Variants in VIT observed in about 807,000 individuals in gnomAD.
VIT encodes the protein vitrin.
Under a neutral mutation model 78.0 loss-of-function variants are expected in VIT, and 99 were observed. That is an observed-to-expected ratio of 1.27 (90% CI 1.08 to 1.50). The LOEUF (loss-of-function observed/expected upper bound fraction) is 1.50, where lower values mean the gene tolerates loss of function less well. Ranked by LOEUF, VIT falls within the 40% of genes most tolerant of loss-of-function variation. VIT has a pLI of 0.00. For synonymous variants in VIT, 374 were observed against 334.3 expected, an observed-to-expected ratio of 1.12 and a Z score of -1.29; for missense variants, 1,126 against 875.3, an observed-to-expected ratio of 1.29 and a Z score of -3.61.
intron 12 of VIT, among the ~76,000 whole-genome samples, chr2:36,798,058 A>G (rs1446554921): frequency 6.6e-6 from 1 of 152,206 alleles, no homozygotes; most frequent in African/African-American, 2.4e-5. Context: ...TTTTGACTAG[A>G]ACATGGAATA....
chr2:36,699,533 C>A (rs73924155), intron 1 of VIT, among the ~76,000 whole-genome samples: 1,863 of 125,288 alleles, frequency 0.015, 43 homozygotes, highest in African/African-American at 0.047. Flanking sequence ...TATATATACA[C>A]ACACATATAT....
intron 3 of VIT, among the ~76,000 whole-genome samples, chr2:36,736,080 C>G (rs1040407041): frequency 3.0e-4 from 46 of 152,126 alleles, no homozygotes; most frequent in African/African-American, 1.1e-3. Flanking sequence ...TTTCAAGGCT[C>G]TCATTTTCCT....
At chr2:36,793,976 G>A (rs1365505772) in intron 12 of VIT, among the ~76,000 whole-genome samples, 3 of 152,168 alleles carry the variant, frequency 2.0e-5, no homozygotes, top group Non-Finnish European at 4.4e-5. Flanking sequence ...TCAAGGAGAG[G>A]AATGGTAACC....
intron 12 of VIT, among the ~76,000 whole-genome samples, chr2:36,794,748 A>G (rs1281522429): frequency 1.3e-5 from 2 of 152,190 alleles, no homozygotes; most frequent in African/African-American, 4.8e-5. Context: ...AGGGTTTCAG[A>G]GGTCCTCTGA....
intron 3 of VIT, among the ~76,000 whole-genome samples, chr2:36,738,569 A>G (rs1399170137): frequency 6.6e-6 from 1 of 152,210 alleles, no homozygotes; most frequent in East Asian, 1.9e-4. Context: ...TTCAGCAGAC[A>G]TTCTCTTGAA....
At chr2:36,810,966 A>G (rs1308931218) in intron 15 of VIT, among the ~76,000 whole-genome samples, 1 of 152,194 alleles carries the variant, frequency 6.6e-6, no homozygotes, top group East Asian at 1.9e-4. Context: ...GTTATTTGGC[A>G]GGATTTTCTG....
chr2:36,714,748 T>G (rs1050898693), intron 1 of VIT, among the ~76,000 whole-genome samples: 6 of 152,230 alleles, frequency 3.9e-5, no homozygotes, highest in African/African-American at 1.4e-4. Flanking sequence ...ATTCACCACC[T>G]TGGACCACGG....
chr2:36,743,003 T>G, intron 3 of VIT, 97 bp from the exon 4 acceptor site: 1 of 1,513,786 alleles, frequency 6.6e-7, no homozygotes, highest in Non-Finnish European at 9.0e-7. Flanking sequence ...AGGCTCTGGC[T>G]TTTAGAGATT....
intron 3 of VIT, among the ~76,000 whole-genome samples, chr2:36,741,973 C>T (rs534183848): frequency 2.6e-5 from 4 of 152,332 alleles, no homozygotes; most frequent in Admixed American, 2.0e-4. Flanking sequence ...GCCTCCAATT[C>T]TTGCTTCCTC....
At chr2:36,781,805 G>C in intron 10 of VIT, 34 bp downstream of exon 10, 2 of 1,612,426 alleles carry the variant, frequency 1.2e-6, no homozygotes, top group Non-Finnish European at 8.5e-7. Flanking sequence ...AGCCACGCGT[G>C]GATCAAGATG....
intron 12 of VIT, among the ~76,000 whole-genome samples, chr2:36,793,319 T>A (rs982337768): frequency 6.6e-6 from 1 of 152,206 alleles, no homozygotes; most frequent in African/African-American, 2.4e-5. Context: ...CCCCACTCAC[T>A]TAAAAATGAA....
intron 6 of VIT, among the ~76,000 whole-genome samples, chr2:36,763,399 A>T (rs1195452864): frequency 1.3e-5 from 2 of 152,210 alleles, no homozygotes; most frequent in African/African-American, 4.8e-5. Flanking sequence ...AAAATCTTTG[A>T]AAAAAGATCA....
chr2:36,739,565 A>G (rs1667707651), intron 3 of VIT, among the ~76,000 whole-genome samples: 1 of 152,136 alleles, frequency 6.6e-6, no homozygotes, highest in South Asian at 2.1e-4. Context: ...CAGTGACCTA[A>G]AGGTAATCCT....
chr2:36,721,605 TTTC>T (rs1402516751), intron 2 of VIT, among the ~76,000 whole-genome samples: 3 of 152,170 alleles, frequency 2.0e-5, no homozygotes, highest in Non-Finnish European at 2.9e-5. Flanking sequence ...GCAGCGCAAG[TTTC>T]TTCAAGTGTC....
rs138478832 is a variant in VIT at position 36,755,048 on chromosome 2, G to A, written c.403G>A (p.Val135Ile). Residue 135 changes from valine to isoleucine, a missense_variant, in exon 5 of 16, where the codon GTC becomes ATC. Transcript: ENST00000379242. ...ACCACGATGGAGAGAATCCTTTATC[G>A]TCTTAGGTATGACCACACACTGGAG... is the stretch of plus-strand genomic sequence containing the variant. ...SLPRWRESFIVLESKPKKGVT... is the reference protein window; with the variant it reads ...SLPRWRESFIILESKPKKGVT... The A allele has an allele frequency of 3.0e-4, 484 of 1,613,776 alleles. No homozygotes were observed. The highest frequency in any genetic ancestry group is 3.3e-4 in the Non-Finnish European group (394 of 1,179,922).
Position 36,808,704 on chromosome 2 carries a change from A to G in VIT, c.1622A>G (p.Glu541Gly), listed in dbSNP as rs753578164. Residue 541 changes from glutamate (E) to glycine (G), a missense_variant, in exon 15 of 16, where the codon GAG (glutamate) becomes GGG (glycine). Transcript: ENST00000379242. ...GTGACCAACCTCACCAAAGAGTTTG[A>G]GATTTCCGACACGGACACGCGCATC... The part of the protein sequence containing the change: ...QFVTNLTKEF[E>G]ISDTDTRIGA... 22 of 1,614,198 alleles carry G rather than the reference A, an allele frequency of 1.4e-5. No homozygotes were observed. The highest frequency in any genetic ancestry group is 1.9e-5 in the Non-Finnish European group (22 of 1,180,034).
chr2:36,698,150 T>A (rs58282597), intron 1 of VIT, among the ~76,000 whole-genome samples: 142,838 of 152,112 alleles, frequency 0.94, 67,815 homozygotes, highest in Middle Eastern at 1. Context: ...TGCAAAGACT[T>A]GCATTTTTTT....
At chr2:36,707,536 T>G (rs1665506865) in intron 1 of VIT, among the ~76,000 whole-genome samples, 1 of 152,168 alleles carries the variant, frequency 6.6e-6, no homozygotes, top group Non-Finnish European at 1.5e-5. Flanking sequence ...CTGGAGCAAT[T>G]GCCAGCAAGC....
At chr2:36,753,718 G>T (rs138038929) in intron 4 of VIT, among the ~76,000 whole-genome samples, 1 of 152,294 alleles carries the variant, frequency 6.6e-6, no homozygotes, top group Admixed American at 6.5e-5. Context: ...ATGGGAGTGG[G>T]AATGGCTGAA....
Sources: allele counts gnomAD v4.1 joint callset (sites outside exome capture counted in the v4.1 genomes callset), GRCh38; gene constraint gnomAD v4.1.1; transcripts MANE v1.5; gene names NCBI Gene and HGNC (gene_info 2026-07-23, HGNC 2026-07-21).